GPLD1: variants seen among roughly 807,000 people sequenced by gnomAD.
The protein encoded by GPLD1 is glycosylphosphatidylinositol specific phospholipase D1.
In GPLD1, 84 loss-of-function variants were observed where a neutral mutation model predicts 112.6. The ratio of observed to expected loss-of-function variants is 0.75; its 90% CI spans 0.63 to 0.89. The LOEUF is 0.89. Ranked by LOEUF, GPLD1 falls within the 40% of genes least tolerant of loss-of-function variation. GPLD1 has a pLI of 0.00. For missense variants in GPLD1, 1,044 were observed against 1,051.5 expected, an observed-to-expected ratio of 0.99 and a Z score of 0.10; for synonymous variants, 386 against 403.8, an observed-to-expected ratio of 0.96 and a Z score of 0.53.
chr6:24,459,293 A>G (rs1011591619), intron 12 of GPLD1, among the ~76,000 whole-genome samples: 2 of 151,992 alleles, frequency 1.3e-5, no homozygotes, highest in African/African-American at 4.8e-5. Flanking sequence ...TCACTCTAGC[A>G]CCCAGGCTGG....
At chr6:24,439,475 A>G (rs1762678948) in intron 20 of GPLD1, among the ~76,000 whole-genome samples, 2 of 152,244 alleles carry the variant, frequency 1.3e-5, no homozygotes, top group East Asian at 1.9e-4. Context: ...TAATTAATCA[A>G]TACTCCCAAA....
chr6:24,449,915 T>C lies in GPLD1; in HGVS notation c.1336-16A>G. On this transcript the variant is annotated splice_polypyrimidine_tract_variant and intron_variant, in intron 14 of 24. Transcript: ENST00000230036. ...GACCTGAGGGCTGAAGAGGCACAAG[T>C]TTACTTCCCCTGGGCTGAGCCACGG... 1 of 1,578,916 alleles carries C rather than the reference T, an allele frequency of 6.3e-7. No individual in the cohort carries two copies. The highest frequency in any genetic ancestry group is 1.1e-5 in the South Asian group (1 of 90,078).
At chr6:24,442,487 C>G (rs1321540300) in intron 20 of GPLD1, among the ~76,000 whole-genome samples, 1 of 123,826 alleles carries the variant, frequency 8.1e-6, no homozygotes, top group South Asian at 2.7e-4. Flanking sequence ...CTCTGTCACC[C>G]AGGCTGGAGT....
At chr6:24,456,375 T>G (rs1763269377) in intron 13 of GPLD1, 123 bp downstream of exon 13, 1 of 665,476 alleles carries the variant, frequency 1.5e-6, no homozygotes. Context: ...CCAGCCTGGG[T>G]GACAAGTGAG....
rs528026830 is a variant in GPLD1 at position 24,428,873 on chromosome 6, G to C, written c.*159C>G. On this transcript the variant is annotated 3_prime_UTR_variant, in exon 25 of 25. Coordinates refer to ENST00000230036, the MANE Select transcript of GPLD1 (RefSeq NM_001503.4). ...TATTTACTGTATCAGATTTCCAGAG[G>C]GTGTGGCTGTTAGTGTGTCTCTCTA... 1.6e-5 allele frequency: 8 copies of C among 496,816 alleles called. No homozygotes were observed. In the South Asian group the frequency reaches 3.2e-4, roughly 20 times the overall value. 30.8% of individuals were successfully genotyped at this position (496,816 alleles called of 1,614,324 possible).
intron 7 of GPLD1, among the ~76,000 whole-genome samples, chr6:24,468,914 G>GGT (rs1347173921): frequency 4.6e-5 from 7 of 152,154 alleles, no homozygotes; most frequent in Non-Finnish European, 4.4e-5. Context: ...CTGTATCATG[G>GGT]GTGTGTCCTT....
Position 24,470,202 on chromosome 6 carries a change from C to A in GPLD1, c.545+2380G>T, listed in dbSNP as rs140019808. The stretch of plus-strand genomic sequence containing the variant: ...CCAAGCTGGAGCGCAGTGGCATGAT[C>A]TCGGCAGTTCTTAACTTGAGCCTAC... On this transcript the variant is annotated intron_variant, in intron 7 of 24. Coordinates refer to ENST00000230036, the MANE Select transcript of GPLD1 (RefSeq NM_001503.4). Among the ~76,000 whole-genome samples the A allele has an allele frequency of 5.1e-4, 78 of 152,002 alleles. 1 individual carries two copies. The East Asian group carries it at 0.014, about 27-fold the overall frequency.
chr6:24,428,957 G>T lies in GPLD1; in HGVS notation c.*75C>A. On this transcript the variant is annotated 3_prime_UTR_variant, in exon 25 of 25. Transcript: ENST00000230036. ...ACCGCTCCACTGGATGTGCCACTTT[G>T]TCCATCAAAATGCTCACCATGGATG... is the stretch of plus-strand genomic sequence containing the variant. 1 of 998,794 alleles carries T rather than the reference G, an allele frequency of 1.0e-6. No homozygotes were observed. Among genetic ancestry groups the T allele is most frequent in the Non-Finnish European group, 1.5e-6 (1 of 653,914 alleles). The allele number at this position is 998,794 out of a possible 1,614,324, so 61.9% of individuals were successfully genotyped here.
intron 14 of GPLD1, among the ~76,000 whole-genome samples, chr6:24,451,646 A>G (rs555707993): frequency 6.6e-6 from 1 of 152,288 alleles, no homozygotes; most frequent in South Asian, 2.1e-4. Flanking sequence ...AGGTTCTCCA[A>G]TTCTTTCACA....
At chr6:24,451,334 TTTTTTTGTTTTTG>T (rs374889729) in intron 14 of GPLD1, among the ~76,000 whole-genome samples, 955 of 76,040 alleles carry the variant, frequency 0.013, 10 homozygotes, top group African/African-American at 0.027. Flanking sequence ...TTCTTTCTCT[TTTTTTTGTTTTTG>T]TTTTTTGTTT....
At chr6:24,490,181 G>A (rs142529514), upstream of GPLD1, among the ~76,000 whole-genome samples, 11 of 152,290 alleles carry the variant, frequency 7.2e-5, no homozygotes, top group East Asian at 1.9e-3. Context: ...GATTCCTGCA[G>A]CTGAAGCAAA....
At chr6:24,494,516 C>G (rs1439487101), upstream of GPLD1, among the ~76,000 whole-genome samples, 1 of 152,164 alleles carries the variant, frequency 6.6e-6, no homozygotes, top group Non-Finnish European at 1.5e-5. Flanking sequence ...ACTGAAGAAG[C>G]GTGATCACGG....
chr6:24,478,586 C>T (rs1044567504), intron 3 of GPLD1, among the ~76,000 whole-genome samples: 3 of 152,174 alleles, frequency 2.0e-5, no homozygotes, highest in African/African-American at 7.2e-5. Context: ...CTTCGTGGCT[C>T]TCTGGCTTTG....
chr6:24,452,440 A>G (rs1277954140), intron 14 of GPLD1, among the ~76,000 whole-genome samples: 6 of 152,154 alleles, frequency 3.9e-5, no homozygotes, highest in Admixed American at 3.9e-4. Flanking sequence ...CTTTCATCAG[A>G]GCCTAAACTA....
At chr6:24,446,083 A>G (rs918692693) in intron 18 of GPLD1, among the ~76,000 whole-genome samples, 8 of 152,056 alleles carry the variant, frequency 5.3e-5, no homozygotes, top group African/African-American at 1.9e-4. Flanking sequence ...ATAGAGATAT[A>G]GGGGTACCTA....
Position 24,466,567 on chromosome 6 carries a change from G to A in GPLD1, c.821+113C>T, listed in dbSNP as rs1300597887. 4 of 756,650 alleles carry A rather than the reference G, an allele frequency of 5.3e-6. No homozygotes were observed. In the East Asian group the frequency reaches 7.9e-5, roughly 15 times the overall value. 46.9% of individuals were successfully genotyped at this position (756,650 alleles called of 1,614,324 possible). On this transcript the variant is annotated intron_variant, in intron 10 of 24. Coordinates refer to ENST00000230036, the MANE Select transcript of GPLD1 (RefSeq NM_001503.4). ...TGAATAGGTTAGAAAAGCACTTCATGAGATTGTTTTGTTTTGTTTTTATGT... is the reference window on the plus strand; with the variant it reads ...TGAATAGGTTAGAAAAGCACTTCATAAGATTGTTTTGTTTTGTTTTTATGT...
chr6:24,447,797 G>C (rs983196503), intron 17 of GPLD1, 80 bp downstream of exon 17: 80 of 1,300,086 alleles, frequency 6.2e-5, no homozygotes, highest in Non-Finnish European at 8.2e-5. Flanking sequence ...AAGGAAAAAG[G>C]ATATAAACCC....
intron 1 of GPLD1, among the ~76,000 whole-genome samples, chr6:24,488,701 T>C (rs551143812): frequency 1.6e-4 from 25 of 152,338 alleles, no homozygotes; most frequent in African/African-American, 6.0e-4. Context: ...CAACACATCA[T>C]GTTGTATATC....
At chr6:24,447,561 C>G (rs1292492652) in intron 17 of GPLD1, among the ~76,000 whole-genome samples, 1 of 152,084 alleles carries the variant, frequency 6.6e-6, no homozygotes, top group Non-Finnish European at 1.5e-5. Flanking sequence ...ACAACAACAG[C>G]TATGGACAGT....
Sources: gnomAD v4.1 joint callset for allele counts (sites outside exome capture counted in the v4.1 genomes callset) on GRCh38, gnomAD v4.1.1 for gene constraint, MANE v1.5 for transcripts, NCBI Gene and HGNC (gene_info 2026-07-23, HGNC 2026-07-21) for gene names.